The following PCNT variants were observed in gnomAD, a reference collection of about 807,000 sequenced individuals.
The protein encoded by PCNT is kendrin.
A neutral mutation model predicts 380.4 loss-of-function variants in PCNT; 319 were observed. The observed-to-expected ratio is 0.84, with a 90% CI of 0.77 to 0.92. The LOEUF is 0.92. Among genes scored for constraint, PCNT ranks in the 40% least tolerant of loss-of-function variants. The pLI is 0.00. For missense variants in PCNT, 4,400 were observed against 4,255.3 expected (o/e 1.03, Z -0.95); for synonymous variants, 1,845 against 1,735.2 (o/e 1.06, Z -1.57).
chr21:46,341,946 A>AT (rs11384688), intron 3 of PCNT, among the ~76,000 whole-genome samples: 124,833 of 145,146 alleles, frequency 0.86, 55,522 homozygotes, highest in East Asian at 0.99. Context: ...CTTTTTACTT[A>AT]TTTTTTTTTT....
chr21:46,366,605 G>A lies in PCNT; in HGVS notation c.2631G>A (p.Glu877=). The change falls in exon 15 of 47, where the codon GAG becomes GAA. Residue 877 remains glutamate (E), a synonymous_variant. Coordinates refer to ENST00000359568, the MANE Select transcript of PCNT (RefSeq NM_006031.6). ...ARSRFLEERK[E]ITEKFSAEQD... ...GCAGGTTTTTAGAGGAACGTAAAGA[G>A]ATCACCGAGAAATTCAGTGCGGAAC... The A allele has an allele frequency of 2.5e-6, 4 of 1,614,124 alleles. No individual in the cohort carries two copies. The highest frequency in any genetic ancestry group is 3.4e-6 in the Non-Finnish European group (4 of 1,180,012).
chr21:46,374,209 G>A (rs950310949), intron 15 of PCNT, among the ~76,000 whole-genome samples: 7 of 152,082 alleles, frequency 4.6e-5, no homozygotes, highest in Non-Finnish European at 8.8e-5. Flanking sequence ...TGGGGTGCAC[G>A]TTCAATACAT....
At chr21:46,397,570 T>C (rs771273108) in intron 22 of PCNT, 76 bp downstream of exon 22, 17 of 1,232,274 alleles carry the variant, frequency 1.4e-5, no homozygotes, top group African/African-American at 7.4e-5. Flanking sequence ...TCCAGATCGT[T>C]ACGTAAGCTT....
At position 46,445,630 on chromosome 21, in the gene PCNT, C is replaced by T. The variant is rs1272369269; in HGVS notation, c.*303C>T. On this transcript the variant is annotated 3_prime_UTR_variant, in exon 47 of 47. Transcript: ENST00000359568. ...CTATCGGCAGATCCATCCTTCCTGCCTCCAAGGAGGATACACAGAGAATGG... is the reference window on the plus strand; with the variant it reads ...CTATCGGCAGATCCATCCTTCCTGCTTCCAAGGAGGATACACAGAGAATGG... 10 of 422,642 alleles carry T rather than the reference C, an allele frequency of 2.4e-5. No homozygotes were observed. In the East Asian group the frequency reaches 3.3e-4, roughly 14 times the overall value. The allele number at this position is 422,642 out of a possible 1,614,324, so 26.2% of individuals were successfully genotyped here.
chr21:46,365,045 A>T (rs1157172529), intron 14 of PCNT, among the ~76,000 whole-genome samples: 1 of 150,480 alleles, frequency 6.6e-6, no homozygotes, highest in African/African-American at 2.5e-5. Flanking sequence ...TTCTGTGAGG[A>T]CTCTCCCTGC....
intron 12 of PCNT, 40 bp downstream of exon 12, chr21:46,355,666 G>A (rs371880447): frequency 4.5e-5 from 73 of 1,606,144 alleles, no homozygotes; most frequent in Admixed American, 3.0e-4. Context: ...GGCAGGTCCC[G>A]GGTCTGGGGG....
chr21:46,391,053 C>T, intron 20 of PCNT, 111 bp from the exon 21 acceptor site: 1 of 1,211,998 alleles, frequency 8.3e-7, no homozygotes, highest in Non-Finnish European at 1.2e-6. Flanking sequence ...AAGCTGCTGG[C>T]TCTTAGCTCT....
Position 46,416,747 on chromosome 21 carries a change from C to T in PCNT, c.6829C>T (p.Leu2277Phe), listed in dbSNP as rs1230779754. ...SLPQTQGPGL[L>F]CSPGVSAAAL... ...GCCACAGACCCAGGGGCCGGGGCTG[C>T]TTTGTTCCCCAGGCGTGTCTGCAGC... Residue 2277 changes from leucine (L) to phenylalanine (F), a missense_variant, in exon 30 of 47, where the codon CTT becomes TTT. By Grantham distance (22) the Leu-to-Phe change is conservative. Coordinates refer to ENST00000359568, the MANE Select transcript of PCNT (RefSeq NM_006031.6). The T allele has an allele frequency of 6.2e-7, 1 of 1,600,868 alleles. No individual in the cohort carries two copies.
At chr21:46,354,463 TTC>T (rs1347877652) in intron 11 of PCNT, among the ~76,000 whole-genome samples, 1 of 152,238 alleles carries the variant, frequency 6.6e-6, no homozygotes, top group Non-Finnish European at 1.5e-5. Context: ...GTGCTGCGAC[TTC>T]TGTCACCTTT....
At chr21:46,345,528 C>T (rs1277060771) in intron 3 of PCNT, among the ~76,000 whole-genome samples, 2 of 152,118 alleles carry the variant, frequency 1.3e-5, no homozygotes, top group Non-Finnish European at 2.9e-5. Flanking sequence ...GTTTCTGGGA[C>T]TTTGACTTTA....
intron 29 of PCNT, among the ~76,000 whole-genome samples, chr21:46,415,542 G>C (rs561074939): frequency 1.3e-5 from 2 of 151,954 alleles, no homozygotes; most frequent in East Asian, 3.9e-4. Context: ...CCGCCACCAT[G>C]CCTGGCTAAT....
At chr21:46,353,032 G>C in intron 9 of PCNT, 72 bp from the exon 10 acceptor site, 1 of 1,264,750 alleles carries the variant, frequency 7.9e-7, no homozygotes, top group Non-Finnish European at 1.2e-6. Flanking sequence ...AGGTAACCAG[G>C]CTCTTGCCTC....
Position 46,367,103 on chromosome 21 carries a change from C to T in PCNT, c.3129C>T (p.Ala1043=), listed in dbSNP as rs536227217. ...GAACCGAAGTGAGCACAGAGCTCGC[C>T]GGAACCGTGGCTCACGAGCTGCAGG... The part of the protein sequence containing the change: ...HLRTEVSTEL[A]GTVAHELQGV... Residue 1043 remains alanine (A), a synonymous_variant, in exon 15 of 47, where the codon GCC becomes GCT. Coordinates refer to ENST00000359568, the MANE Select transcript of PCNT (RefSeq NM_006031.6). 22 of 1,613,476 alleles carry T rather than the reference C, an allele frequency of 1.4e-5. No individual in the cohort carries two copies. The highest frequency in any genetic ancestry group is 3.3e-5 in the Admixed American group (2 of 60,016).
At chr21:46,419,490 G>A (rs895566288) in intron 31 of PCNT, among the ~76,000 whole-genome samples, 7 of 152,234 alleles carry the variant, frequency 4.6e-5, no homozygotes, top group Non-Finnish European at 1.0e-4. Flanking sequence ...TACACGAGGT[G>A]CAGTCTGCAC....
At chr21:46,365,007 T>C (rs1444273941) in intron 14 of PCNT, among the ~76,000 whole-genome samples, 1 of 152,252 alleles carries the variant, frequency 6.6e-6, no homozygotes, top group Admixed American at 6.5e-5. Flanking sequence ...AGCTCCAGGC[T>C]CTTTGGCCTC....
chr21:46,379,928 C>G (rs2085456614), intron 15 of PCNT, among the ~76,000 whole-genome samples: 1 of 152,118 alleles, frequency 6.6e-6, no homozygotes, highest in South Asian at 2.1e-4. Context: ...ACCTCTTGGG[C>G]CTTTCCAGCG....
intron 43 of PCNT, 68 bp downstream of exon 43, chr21:46,441,152 G>T: frequency 1.0e-6 from 1 of 977,366 alleles, no homozygotes; most frequent in African/African-American, 1.6e-5. Flanking sequence ...ACACTGCATG[G>T]TTTTTTGGTC....
chr21:46,416,623 C>G lies in PCNT; in HGVS notation c.6705C>G (p.Thr2235=). The part of the protein sequence containing the change: ...SSPEVLRKDW[T]LEPWPSLPVT... ...CTGAGGTCCTCAGGAAGGACTGGAC[C>G]CTGGAGCCCTGGCCCAGCCTCCCCG... is the stretch of plus-strand genomic sequence containing the variant. The change falls in exon 30 of 47, where the codon ACC becomes ACG. Residue 2235 remains threonine, a synonymous_variant. Coordinates refer to ENST00000359568, the MANE Select transcript of PCNT (RefSeq NM_006031.6). 1 of 1,578,744 alleles carries G rather than the reference C, an allele frequency of 6.3e-7. No individual in the cohort carries two copies.
At chr21:46,361,532 T>A (rs1410210323) in intron 13 of PCNT, among the ~76,000 whole-genome samples, 1 of 152,254 alleles carries the variant, frequency 6.6e-6, no homozygotes, top group African/African-American at 2.4e-5. Context: ...CTTCGTCTTC[T>A]GTGCTGCAGT....
Sources: gnomAD v4.1 joint callset for allele counts (sites outside exome capture counted in the v4.1 genomes callset) on GRCh38, gnomAD v4.1.1 for gene constraint, MANE v1.5 for transcripts, NCBI Gene and HGNC (gene_info 2026-07-23, HGNC 2026-07-21) for gene names.